BCL11B: variants seen among roughly 807,000 people sequenced by gnomAD.
The protein encoded by BCL11B is BCL11 transcription factor B.
BCL11B carries 8 observed loss-of-function variants against 49.9 expected under a neutral mutation model. The observed-to-expected ratio is 0.16, with a 90% CI of 0.09 to 0.29. The LOEUF (loss-of-function observed/expected upper bound fraction) is 0.29. BCL11B is among the 10% of genes least tolerant of loss of function. BCL11B has a pLI of 1.00. For synonymous variants in BCL11B, 739 were observed against 637.4 expected, an observed-to-expected ratio of 1.16 and a Z score of -2.40; for missense variants, 1,006 against 1,351.0, an observed-to-expected ratio of 0.74 and a Z score of 4.00.
At chr14:99,253,737 C>G (rs1889075781) in intron 2 of BCL11B, among the ~76,000 whole-genome samples, 1 of 152,202 alleles carries the variant, frequency 6.6e-6, no homozygotes, top group Admixed American at 6.5e-5. Flanking sequence ...GCGCCACGTG[C>G]TCTTTGCAAA....
chr14:99,237,226 CT>C (rs1286020207), intron 2 of BCL11B, among the ~76,000 whole-genome samples: 124 of 139,624 alleles, frequency 8.9e-4, no homozygotes, highest in Middle Eastern at 3.6e-3. Context: ...TATTTCATTT[CT>C]TTTTTTTTCT....
chr14:99,183,385 C>G (rs190056393), intron 3 of BCL11B, among the ~76,000 whole-genome samples: 1 of 152,276 alleles, frequency 6.6e-6, no homozygotes, highest in African/African-American at 2.4e-5. Context: ...CTGCGCTGGT[C>G]TTGTGGACTG....
intron 2 of BCL11B, among the ~76,000 whole-genome samples, chr14:99,245,032 T>G (rs1888785290): frequency 6.6e-6 from 1 of 152,242 alleles, no homozygotes; most frequent in South Asian, 2.1e-4. Flanking sequence ...TTTAATCGGC[T>G]ACAGGCGAAC....
At chr14:99,264,351 T>A (rs1405354957) in intron 1 of BCL11B, 1 of 150,512 alleles carries the variant, frequency 6.6e-6, no homozygotes, top group Non-Finnish European at 1.5e-5. Flanking sequence ...TTAATCACAA[T>A]AATATTGGCA....
intron 3 of BCL11B, among the ~76,000 whole-genome samples, chr14:99,181,322 A>T (rs147625294): frequency 1.3e-5 from 2 of 152,302 alleles, no homozygotes; most frequent in East Asian, 1.9e-4. Flanking sequence ...GGCATTTCCC[A>T]TGCATTCACT....
chr14:99,214,247 T>C (rs1304241495), intron 3 of BCL11B, among the ~76,000 whole-genome samples: 5 of 152,100 alleles, frequency 3.3e-5, no homozygotes, highest in African/African-American at 4.8e-5. Context: ...TGGCAACTTC[T>C]ACATAAAATC....
intron 3 of BCL11B, among the ~76,000 whole-genome samples, chr14:99,188,247 A>C (rs1258765325): frequency 6.6e-6 from 1 of 152,204 alleles, no homozygotes; most frequent in Non-Finnish European, 1.5e-5. Flanking sequence ...TGAATATTTA[A>C]ATTGTGTATA....
chr14:99,264,180 C>G (rs1889415097), intron 1 of BCL11B: 2 of 152,196 alleles, frequency 1.3e-5, no homozygotes, highest in South Asian at 4.1e-4. Flanking sequence ...CACTGGACCT[C>G]AAGGCTTTAG....
intron 3 of BCL11B, among the ~76,000 whole-genome samples, chr14:99,223,761 T>C (rs1421843682): frequency 6.6e-6 from 1 of 152,184 alleles, no homozygotes; most frequent in Admixed American, 6.5e-5. Flanking sequence ...TTGTGCTTCA[T>C]TCAGGTAAAA....
chr14:99,246,497 AC>A (rs1412522937), intron 2 of BCL11B, among the ~76,000 whole-genome samples: 9 of 152,076 alleles, frequency 5.9e-5, no homozygotes, highest in Non-Finnish European at 1.0e-4. Flanking sequence ...GAGCCTCCCG[AC>A]CCGGCCAGGG....
intron 2 of BCL11B, among the ~76,000 whole-genome samples, chr14:99,250,908 T>C (rs1030066381): frequency 2.0e-5 from 3 of 151,796 alleles, no homozygotes; most frequent in Non-Finnish European, 2.9e-5. Context: ...ATTGTCTGTC[T>C]TTTTTTTAAT....
In BCL11B at chr14:99,225,147, G is replaced by A. The variant is rs537806510; in HGVS notation, c.640+6198C>T. Among the ~76,000 whole-genome samples, 8 of 152,316 alleles carry A rather than the reference G, an allele frequency of 5.3e-5. No homozygotes were observed. In the South Asian group the frequency reaches 1.2e-3, roughly 24 times the overall value. ...CTTTAAGTGGCTTCCACTGGGCGAC[G>A]AACTTCCTTTTCTGGTTTTCAATAA... On this transcript the variant is annotated intron_variant, in intron 3 of 3. Coordinates refer to ENST00000357195, the MANE Select transcript of BCL11B (RefSeq NM_138576.4).
chr14:99,238,435 C>A (rs1460759600), intron 2 of BCL11B, among the ~76,000 whole-genome samples: 5 of 152,184 alleles, frequency 3.3e-5, no homozygotes, highest in Non-Finnish European at 7.3e-5. Context: ...TGAAATACTC[C>A]AGGGCTGCTG....
intron 2 of BCL11B, among the ~76,000 whole-genome samples, chr14:99,256,901 G>A (rs1330117314): frequency 1.3e-5 from 2 of 152,208 alleles, no homozygotes; most frequent in East Asian, 3.9e-4. Context: ...GAGATCAGGG[G>A]GCCTAACTCC....
At chr14:99,180,748 T>A (rs921002708) in intron 3 of BCL11B, among the ~76,000 whole-genome samples, 20 of 152,218 alleles carry the variant, frequency 1.3e-4, no homozygotes, top group Non-Finnish European at 2.9e-4. Context: ...TACCTGGTCA[T>A]GGATGTTTCA....
chr14:99,185,284 A>G (rs1183824048), intron 3 of BCL11B, among the ~76,000 whole-genome samples: 1 of 152,040 alleles, frequency 6.6e-6, no homozygotes, highest in Admixed American at 6.5e-5. Context: ...TAAAAATACA[A>G]AAATTAGCTG....
chr14:99,232,190 CT>C lies in BCL11B; in HGVS notation c.428-634del, dbSNP rs1314441900. 3.9e-5 allele frequency among the ~76,000 whole-genome samples: 6 copies of C among 152,096 alleles called. No homozygotes were observed. Among genetic ancestry groups the C allele is most frequent in the Non-Finnish European group, 7.4e-5 (5 of 67,988 alleles). The stretch of plus-strand genomic sequence containing the variant: ...CCCTTCAGAAGGCTTTCACACCCCC[CT>C]ACCACACCCCAAGAAAACCCTGGCG... On this transcript the variant is annotated intron_variant, in intron 2 of 3. Coordinates refer to ENST00000357195, the MANE Select transcript of BCL11B (RefSeq NM_138576.4). This position sits in a 1 kb window ranked among gnomAD's most constrained non-coding sequence, Gnocchi z 5.1.
rs1171866417 is a variant in BCL11B, at chr14:99,271,756, T to A, written c.-538A>T. The stretch of plus-strand genomic sequence containing the variant: ...AAAAAAATGCAAACAAATAAAAAAA[T>A]AAAAGAAGAAAAAGCAAAGGAAAAA... On this transcript the variant is annotated 5_prime_UTR_variant, in exon 1 of 4. Transcript: ENST00000357195. Among the ~76,000 whole-genome samples the A allele has an allele frequency of 3.8e-4, 55 of 144,168 alleles. 1 individual carries two copies. The highest frequency in any genetic ancestry group is 1.4e-3 in the African/African-American group (51 of 36,898). The allele number at this position is 144,168 out of a possible 152,430, so 94.6% of individuals were successfully genotyped here. A position where few individuals can be genotyped will look rare whatever the true frequency, so the allele number is the denominator to read the frequency against.
At chr14:99,219,966 G>A (rs1455222146) in intron 3 of BCL11B, among the ~76,000 whole-genome samples, 1 of 152,114 alleles carries the variant, frequency 6.6e-6, no homozygotes, top group Non-Finnish European at 1.5e-5. Context: ...ACCTAGGCTG[G>A]CTGAGGCTGG....
Sources: gnomAD v4.1 joint callset for allele counts (sites outside exome capture counted in the v4.1 genomes callset) on GRCh38, gnomAD v4.1.1 for gene constraint, Gnocchi (gnomAD v3.1) non-coding constraint, MANE v1.5 for transcripts, NCBI Gene and HGNC (gene_info 2026-07-23, HGNC 2026-07-21) for gene names.